Variants in EFR3B observed in about 807,000 individuals in gnomAD.
The protein encoded by EFR3B is EFR3 homolog B, also known as protein EFR3 homolog B.
A neutral mutation model predicts 104.7 loss-of-function variants in EFR3B; 64 were observed. The ratio of observed to expected loss-of-function variants is 0.61; its 90% CI spans 0.50 to 0.75. EFR3B has a LOEUF of 0.75. Ranked by LOEUF, EFR3B falls within the 30% of genes least tolerant of loss-of-function variation. EFR3B has a pLI of 0.00. For synonymous variants in EFR3B, 385 were observed against 417.9 expected, an observed-to-expected ratio of 0.92 and a Z score of 0.96; for missense variants, 750 against 1,078.5, an observed-to-expected ratio of 0.70 and a Z score of 4.27.
Position 25,087,361 on chromosome 2 carries a change from G to GTATA in EFR3B, c.8-3949_8-3946dup, listed in dbSNP as rs67038461. On this transcript the variant is annotated intron_variant, in intron 1 of 22. Transcript: ENST00000403714. Reference sequence around the variant, plus strand: ...GTATATATATAAAATCTTCATATATGTATATATATATATATATACACACAC... The same window carrying GTATA: ...GTATATATATAAAATCTTCATATATGTATATATATATATATATATATACACACAC... Among the ~76,000 whole-genome samples, 1,392 of 148,874 alleles carry GTATA rather than the reference G, an allele frequency of 9.4e-3. 16 individuals are homozygous for GTATA. The highest frequency in any genetic ancestry group is 0.014 in the Middle Eastern group (4 of 280).
chr2:25,043,159 G>T (rs1302945999), intron 1 of EFR3B, among the ~76,000 whole-genome samples: 1 of 152,156 alleles, frequency 6.6e-6, no homozygotes, highest in Non-Finnish European at 1.5e-5. Context: ...GCATTCCTGA[G>T]CCTGCAGCCC....
intron 4 of EFR3B, among the ~76,000 whole-genome samples, chr2:25,119,623 A>G (rs1669960322): frequency 6.6e-6 from 1 of 152,250 alleles, no homozygotes; most frequent in Non-Finnish European, 1.5e-5. Flanking sequence ...CAGCAATGCC[A>G]CTTGGATTTA....
chr2:25,143,185 C>T lies in EFR3B; in HGVS notation c.1923-550C>T, dbSNP rs61576268. Among the ~76,000 whole-genome samples, 26 of 151,836 alleles carry T rather than the reference C, an allele frequency of 1.7e-4. No homozygotes were observed. The East Asian group carries it at 4.9e-3, about 28-fold the overall frequency. ...GAGCAGAGATGGTGCCACTGCACTC[C>T]GGTCTGGGTGACAGAGCGAGACTCC... is the stretch of plus-strand genomic sequence containing the variant. On this transcript the variant is annotated intron_variant, in intron 17 of 22. Transcript: ENST00000403714.
At chr2:25,138,492 C>T (rs561415968) in intron 15 of EFR3B, among the ~76,000 whole-genome samples, 19 of 152,302 alleles carry the variant, frequency 1.2e-4, no homozygotes, top group African/African-American at 4.3e-4. Flanking sequence ...ATTCCTGAAT[C>T]GGGGCAAGCC....
intron 1 of EFR3B, among the ~76,000 whole-genome samples, chr2:25,059,572 C>CGGGGGGGGGGGG: frequency 1.7e-5 from 1 of 60,254 alleles, no homozygotes; most frequent in Non-Finnish European, 3.3e-5. Flanking sequence ...CCAGGGACTG[C>CGGGGGGGGGGGG]GGGGGGGGGG....
chr2:25,097,197 T>C (rs1669304416), intron 3 of EFR3B, among the ~76,000 whole-genome samples: 1 of 152,198 alleles, frequency 6.6e-6, no homozygotes, highest in African/African-American at 2.4e-5. Flanking sequence ...TAAAATTTAG[T>C]ACCATTCTGT....
chr2:25,130,089 C>T lies in EFR3B; in HGVS notation c.750C>T (p.Asn250=). The change falls in exon 7 of 23, where the codon AAC becomes AAT. Residue 250 remains asparagine, a synonymous_variant. Transcript: ENST00000403714. This position sits in a 1 kb window ranked among gnomAD's most constrained non-coding sequence, Gnocchi z 4.6. ...LGRAAFGNIK[N]AIKPVLIHLD... ...GGGCTGCCTTTGGCAACATCAAAAA[C>T]GCCATCAAGCCTGTTCTCATGTGAG... 2.6e-6 allele frequency: 4 copies of T among 1,551,844 alleles called. No homozygotes were observed. The highest frequency in any genetic ancestry group is 8.7e-7 in the Non-Finnish European group (1 of 1,147,024).
At chr2:25,128,441 G>A (rs894570053) in intron 6 of EFR3B, 109 bp downstream of exon 6, 4 of 1,402,618 alleles carry the variant, frequency 2.9e-6, no homozygotes, top group Admixed American at 2.1e-5. Context: ...CAAGGCCAGG[G>A]ACATGGCTTT....
chr2:25,154,115 A>ATCCT lies in EFR3B; in HGVS notation c.2349-120_2349-119insTCCT. 3.7e-6 allele frequency: 3 copies of ATCCT among 816,020 alleles called. No individual in the cohort carries two copies. The highest frequency in any genetic ancestry group is 5.8e-6 in the Non-Finnish European group (3 of 515,444). 50.5% of individuals were successfully genotyped at this position (816,020 alleles called of 1,614,324 possible). A position where few individuals can be genotyped will look rare whatever the true frequency, so the allele number is the denominator to read the frequency against. Reference sequence around the variant, plus strand: ...GGAATCCTGGGAACCTGTGGAATGAAGGGGTCTCTGGTGCCTGTGCAAAAA... The same window carrying ATCCT: ...GGAATCCTGGGAACCTGTGGAATGAATCCTGGGGTCTCTGGTGCCTGTGCAAAAA... On this transcript the variant is annotated intron_variant, in intron 22 of 22. Transcript: ENST00000403714. The surrounding 1 kb of genome is among the most constrained non-coding windows in gnomAD (Gnocchi z 4.1).
intron 19 of EFR3B, chr2:25,146,500 T>G (rs13032289): frequency 0.21 from 32,191 of 152,204 alleles, 4,409 homozygotes; most frequent in Non-Finnish European, 0.32. Flanking sequence ...ACTGGGAACC[T>G]CCAATGCGTT....
rs1671205340 is a variant in EFR3B, at chr2:25,157,495, C to G, written c.*3155C>G. On this transcript the variant is annotated 3_prime_UTR_variant, in exon 23 of 23. Coordinates refer to ENST00000403714, the MANE Select transcript of EFR3B (RefSeq NM_014971.2). ...GGAGGCTAGTGGCATTGCATTGTGC[C>G]CCTTTTTGCCACCCTTCTCTGATGT... 1 of 152,284 alleles carries G rather than the reference C, an allele frequency of 6.6e-6. No individual in the cohort carries two copies. The highest frequency in any genetic ancestry group is 1.9e-4 in the East Asian group (1 of 5,180). 9.4% of individuals were successfully genotyped at this position (152,284 alleles called of 1,614,324 possible). A position where few individuals can be genotyped will look rare whatever the true frequency, so the allele number is the denominator to read the frequency against.
chr2:25,077,554 G>A (rs1020602044), intron 1 of EFR3B, among the ~76,000 whole-genome samples: 1 of 152,230 alleles, frequency 6.6e-6, no homozygotes, highest in African/African-American at 2.4e-5. Context: ...CTCCCAAAGT[G>A]TTGGGATTAC....
intron 5 of EFR3B, 34 bp downstream of exon 5, chr2:25,121,828 C>A: frequency 6.4e-7 from 1 of 1,551,574 alleles, no homozygotes. Context: ...GTTGGTTCAG[C>A]TTACAGCAGA....
intron 1 of EFR3B, among the ~76,000 whole-genome samples, chr2:25,051,564 CTT>C (rs915609713): frequency 2.0e-5 from 3 of 151,646 alleles, no homozygotes; most frequent in Non-Finnish European, 4.4e-5. Context: ...TAATATTTCT[CTT>C]GTTTGTTTCC....
chr2:25,043,685 A>G (rs1667640838), intron 1 of EFR3B, among the ~76,000 whole-genome samples: 1 of 152,202 alleles, frequency 6.6e-6, no homozygotes, highest in Non-Finnish European at 1.5e-5. Flanking sequence ...GACTCTGGGG[A>G]AAGGTAAAAA....
intron 5 of EFR3B, among the ~76,000 whole-genome samples, chr2:25,127,543 C>G (rs943645685): frequency 6.6e-6 from 1 of 151,852 alleles, no homozygotes; most frequent in Non-Finnish European, 1.5e-5. Context: ...ATTTTATAAC[C>G]AGAAAAAAGG....
chr2:25,100,518 A>G (rs1051280171), intron 3 of EFR3B, among the ~76,000 whole-genome samples: 1 of 151,960 alleles, frequency 6.6e-6, no homozygotes, highest in Non-Finnish European at 1.5e-5. Context: ...TTTGAGACGG[A>G]GTCTCACTCT....
Position 25,130,912 on chromosome 2 carries a change from C to T in EFR3B, c.849+282C>T, listed in dbSNP as rs1051676660. Among the ~76,000 whole-genome samples the T allele has an allele frequency of 2.0e-5, 3 of 152,254 alleles. No homozygotes were observed. Among genetic ancestry groups the T allele is most frequent in the African/African-American group, 7.2e-5 (3 of 41,458 alleles). ...GCAAGCCTACAGATCACACCCTTGG[C>T]TGCTACAGCATTGACAAATTGTTTA... On this transcript the variant is annotated intron_variant, in intron 8 of 22. Coordinates refer to ENST00000403714, the MANE Select transcript of EFR3B (RefSeq NM_014971.2). This position sits in a 1 kb window ranked among gnomAD's most constrained non-coding sequence, Gnocchi z 4.6.
In EFR3B at chr2:25,042,202, C is replaced by G. The variant is rs1667591562; in HGVS notation, c.-111C>G. On this transcript the variant is annotated 5_prime_UTR_variant, in exon 1 of 23. Coordinates refer to ENST00000403714, the MANE Select transcript of EFR3B (RefSeq NM_014971.2). The surrounding 1 kb of genome is among the most constrained non-coding windows in gnomAD (Gnocchi z 5.4). ...GCTCCCTCCCCGCCCGGGCCCCTGT[C>G]GGCCGCCGCCAGTCCCCGCCCCGAC... 1.8e-6 allele frequency: 2 copies of G among 1,125,036 alleles called. No homozygotes were observed. 69.7% of individuals were successfully genotyped at this position (1,125,036 alleles called of 1,614,324 possible).
Sources: gnomAD v4.1 joint callset for allele counts (sites outside exome capture counted in the v4.1 genomes callset) on GRCh38, gnomAD v4.1.1 for gene constraint, Gnocchi (gnomAD v3.1) non-coding constraint, MANE v1.5 for transcripts, NCBI Gene and HGNC (gene_info 2026-07-23, HGNC 2026-07-21) for gene names.